TSC22D1: variants seen among roughly 807,000 people sequenced by gnomAD.
The protein encoded by TSC22D1 is TSC22 domain family member 1.
In TSC22D1, 9 loss-of-function variants were observed where a neutral mutation model predicts 74.2. The ratio of observed to expected loss-of-function variants is 0.12; its 90% confidence interval spans 0.07 to 0.21. The LOEUF is 0.21. TSC22D1 is among the 10% of genes least tolerant of loss of function. TSC22D1 has a pLI of 1.00. For synonymous variants in TSC22D1, 586 were observed against 492.5 expected (o/e 1.19, Z -2.51); for missense variants, 1,427 against 1,304.7 (o/e 1.09, Z -1.44).
At chr13:44,469,239 T>C (rs1221305722) in intron 1 of TSC22D1, among the ~76,000 whole-genome samples, 6 of 152,180 alleles carry the variant, frequency 3.9e-5, no homozygotes, top group Non-Finnish European at 8.8e-5. Context: ...CGCCTACCCA[T>C]CTCCGGCTTC....
chr13:44,532,585 T>C (rs1880908897), intron 1 of TSC22D1, among the ~76,000 whole-genome samples: 1 of 152,192 alleles, frequency 6.6e-6, no homozygotes, highest in African/African-American at 2.4e-5. Flanking sequence ...GCCATTCTCC[T>C]GCCTCAGCCT....
At chr13:44,464,200 T>C (rs755996834) in intron 1 of TSC22D1, among the ~76,000 whole-genome samples, 92 of 152,224 alleles carry the variant, frequency 6.0e-4, no homozygotes, top group Non-Finnish European at 1.1e-3. Flanking sequence ...AAAGGACATG[T>C]AAAAATAATA....
At chr13:44,450,579 T>C (rs1876044566) in intron 1 of TSC22D1, among the ~76,000 whole-genome samples, 1 of 152,054 alleles carries the variant, frequency 6.6e-6, no homozygotes. Flanking sequence ...TCAAAGACAT[T>C]GCAACATAGA....
At chr13:44,452,373 CTGCT>C (rs938762492) in intron 1 of TSC22D1, among the ~76,000 whole-genome samples, 1 of 152,156 alleles carries the variant, frequency 6.6e-6, no homozygotes, top group Non-Finnish European at 1.5e-5. Context: ...GTTAAAAAGT[CTGCT>C]TGAAGTTTAT....
chr13:44,528,897 T>TTG (rs1361581209), intron 1 of TSC22D1, among the ~76,000 whole-genome samples: 9 of 152,032 alleles, frequency 5.9e-5, no homozygotes, highest in Non-Finnish European at 1.3e-4. Context: ...ATGGGCAAAT[T>TTG]CCTTGAATAA....
intron 1 of TSC22D1, among the ~76,000 whole-genome samples, chr13:44,494,375 CAAAAAAAAAAAAAAAAA>C (rs57468850): frequency 1.9e-4 from 5 of 26,462 alleles, no homozygotes; most frequent in African/African-American, 3.5e-4. Context: ...GACTCCGTAT[CAAAAAAAAAAAAAAAAA>C]AAAAAAAAAA....
At chr13:44,472,369 CT>C (rs1313125747) in intron 1 of TSC22D1, among the ~76,000 whole-genome samples, 1 of 151,874 alleles carries the variant, frequency 6.6e-6, no homozygotes, top group Admixed American at 6.6e-5. Context: ...AGAACTGTTC[CT>C]TTTTTTTCAT....
At chr13:44,540,032 ACCT>A in intron 1 of TSC22D1, 1 of 777,638 alleles carries the variant, frequency 1.3e-6, no homozygotes, top group Non-Finnish European at 1.8e-6. Flanking sequence ...AAAAGGAGCT[ACCT>A]TTGGGCATAC....
At chr13:44,456,423 C>T (rs1448929057) in intron 1 of TSC22D1, among the ~76,000 whole-genome samples, 2 of 152,100 alleles carry the variant, frequency 1.3e-5, no homozygotes, top group Non-Finnish European at 2.9e-5. Context: ...TTTAGCTAGA[C>T]ACAGAGCGCT....
chr13:44,459,172 C>T (rs113136289), intron 1 of TSC22D1, among the ~76,000 whole-genome samples: 46 of 152,322 alleles, frequency 3.0e-4, no homozygotes, highest in African/African-American at 9.4e-4. Flanking sequence ...AAAACACCCC[C>T]GGACTCAGTC....
At chr13:44,534,361 TAAAA>T (rs61378692) in intron 1 of TSC22D1, among the ~76,000 whole-genome samples, 12 of 107,262 alleles carry the variant, frequency 1.1e-4, no homozygotes, top group South Asian at 3.0e-4. Context: ...GACCCCGTCT[TAAAA>T]AAAAAAAAAA....
In TSC22D1 at chr13:44,472,383, G is replaced by A. The variant is rs939689824; in HGVS notation, c.2913-36288C>T. 3.0e-4 allele frequency among the ~76,000 whole-genome samples: 45 copies of A among 151,522 alleles called. 1 individual carries two copies. Among genetic ancestry groups the A allele is most frequent in the Non-Finnish European group, 1.5e-5 (1 of 67,890 alleles). On this transcript the variant is annotated intron_variant, in intron 1 of 2. Transcript: ENST00000458659. ...GAGAACTGTTCCTTTTTTTTCATAT[G>A]AGACAGCATGTTTTACTTTGCACAC...
At chr13:44,436,449 TTATTA>T in intron 1 of TSC22D1, 1 of 1,582,602 alleles carries the variant, frequency 6.3e-7, no homozygotes, top group Non-Finnish European at 8.6e-7. Context: ...TTCACCTGTA[TTATTA>T]TAAGTATCCC....
rs150182004 is a variant in TSC22D1, at chr13:44,575,119, G to T, written c.956C>A (p.Thr319Asn). ...ATTAGGATTAAAACTACCCACAGCAGTAATGTTAACATTATTTACTGTACT... is the reference window on the plus strand; with the variant it reads ...ATTAGGATTAAAACTACCCACAGCATTAATGTTAACATTATTTACTGTACT... ...GTSTVNNVNI[T>N]AVGSFNPNVT... is the part of the protein sequence containing the mutation. Residue 319 changes from threonine (T) to asparagine (N), a missense_variant, in exon 1 of 3, where the codon ACT becomes AAT. Transcript: ENST00000458659. 55 of 1,614,030 alleles carry T rather than the reference G, an allele frequency of 3.4e-5. No individual in the cohort carries two copies. Among genetic ancestry groups the T allele is most frequent in the Non-Finnish European group, 4.5e-5 (53 of 1,180,040 alleles).
At chr13:44,538,030 A>G (rs934168297) in intron 1 of TSC22D1, 11 of 985,244 alleles carry the variant, frequency 1.1e-5, no homozygotes, top group African/African-American at 8.7e-5. Context: ...AAACATTTTG[A>G]TAACTACTTC....
At chr13:44,435,213 C>A (rs1595072999) in intron 2 of TSC22D1, 1 of 218,142 alleles carries the variant, frequency 4.6e-6, no homozygotes, top group East Asian at 9.7e-5. Context: ...CACAGCGCGC[C>A]CACCGCGTCC....
intron 1 of TSC22D1, among the ~76,000 whole-genome samples, chr13:44,572,630 T>G (rs1374010912): frequency 6.6e-6 from 1 of 152,210 alleles, no homozygotes; most frequent in Non-Finnish European, 1.5e-5. Flanking sequence ...AGTTGGTCAG[T>G]TGGAGTATGA....
At chr13:44,450,097 AGAAGACTTAC>A (rs1875999446) in intron 1 of TSC22D1, among the ~76,000 whole-genome samples, 2 of 151,682 alleles carry the variant, frequency 1.3e-5, no homozygotes, top group South Asian at 4.2e-4. Flanking sequence ...TTCTGAGGGC[AGAAGACTTAC>A]CCTCTGGGTG....
intron 1 of TSC22D1, among the ~76,000 whole-genome samples, chr13:44,544,409 A>G (rs1460886472): frequency 1.3e-5 from 2 of 151,672 alleles, no homozygotes; most frequent in Non-Finnish European, 2.9e-5. Flanking sequence ...AAGGTATTGT[A>G]CTGACACTGG....
Sources: allele counts gnomAD v4.1 joint callset (sites outside exome capture counted in the v4.1 genomes callset), GRCh38; gene constraint gnomAD v4.1.1; transcripts MANE v1.5; gene names NCBI Gene and HGNC (gene_info 2026-07-23, HGNC 2026-07-21).